Variants in SPAG16 observed in about 807,000 individuals in gnomAD.
SPAG16 encodes the protein sperm-associated antigen 16 protein.
Under a neutral mutation model 80.4 loss-of-function variants are expected in SPAG16, and 86 were observed. That is an observed-to-expected ratio of 1.07 (90% CI 0.90 to 1.28). The LOEUF is 1.28. SPAG16 is among the 50% of genes most tolerant of loss of function. SPAG16 has a pLI of 0.00. For synonymous variants in SPAG16, 294 were observed against 265.9 expected (o/e 1.11, Z -1.03); for missense variants, 870 against 765.3 (o/e 1.14, Z -1.61).
At chr2:213,473,454 T>C (rs1467118957) in intron 9 of SPAG16, among the ~76,000 whole-genome samples, 2 of 152,180 alleles carry the variant, frequency 1.3e-5, no homozygotes, top group East Asian at 3.9e-4. Flanking sequence ...TGCAAGGCAT[T>C]GGTCAAGTTA....
intron 15 of SPAG16, among the ~76,000 whole-genome samples, chr2:214,273,703 G>A (rs566429639): frequency 6.6e-6 from 1 of 151,048 alleles, no homozygotes; most frequent in Non-Finnish European, 1.5e-5. Context: ...CTGTACCCTT[G>A]TAACATAGTT....
chr2:213,357,442 G>C (rs2065721475), intron 7 of SPAG16, among the ~76,000 whole-genome samples: 1 of 152,112 alleles, frequency 6.6e-6, no homozygotes, highest in Non-Finnish European at 1.5e-5. Flanking sequence ...GGGTTCTCTT[G>C]CTTTGGGTGC....
At chr2:214,238,808 T>A (rs1318146638) in intron 15 of SPAG16, 1 of 151,980 alleles carries the variant, frequency 6.6e-6, no homozygotes, top group East Asian at 1.9e-4. Context: ...GAAACATCTT[T>A]GTTCACTACA....
chr2:214,192,445 CT>C (rs2057694693), intron 15 of SPAG16, among the ~76,000 whole-genome samples: 1 of 152,058 alleles, frequency 6.6e-6, no homozygotes, highest in East Asian at 1.9e-4. Context: ...TTTGTTTCTT[CT>C]ATGAAAGATT....
chr2:213,389,394 A>G (rs1198709735), intron 9 of SPAG16, among the ~76,000 whole-genome samples: 1 of 152,170 alleles, frequency 6.6e-6, no homozygotes, highest in African/African-American at 2.4e-5. Context: ...CACAGGCAAC[A>G]ATAGAAAAAC....
In SPAG16 at chr2:214,171,621, T is replaced by A. The variant is rs147911414; in HGVS notation, c.1720+22355T>A. Reference sequence around the variant, plus strand: ...TTTCTCAGCAACTTTTCTTTGCTTTTAAAGAACTTTGGCTCCTTGCACTAA... The same window carrying A: ...TTTCTCAGCAACTTTTCTTTGCTTTAAAAGAACTTTGGCTCCTTGCACTAA... On this transcript the variant is annotated intron_variant, in intron 15 of 15. Transcript: ENST00000331683. Among the ~76,000 whole-genome samples the A allele has an allele frequency of 4.2e-3, 640 of 152,038 alleles. 1 individual carries two copies. The highest frequency in any genetic ancestry group is 0.014 in the African/African-American group (595 of 41,540).
At chr2:213,804,019 A>G (rs2071583470) in intron 10 of SPAG16, among the ~76,000 whole-genome samples, 1 of 152,180 alleles carries the variant, frequency 6.6e-6, no homozygotes, top group South Asian at 2.1e-4. Flanking sequence ...TCCTCTTTCC[A>G]GCCTCTCCAA....
chr2:214,032,404 A>C (rs777688627), intron 13 of SPAG16, among the ~76,000 whole-genome samples: 11 of 152,234 alleles, frequency 7.2e-5, no homozygotes, highest in Non-Finnish European at 1.5e-4. Flanking sequence ...TGTTTCCATA[A>C]TTAATCATTT....
chr2:213,588,662 C>T (rs1437279839), intron 10 of SPAG16, among the ~76,000 whole-genome samples: 1 of 150,708 alleles, frequency 6.6e-6, no homozygotes, highest in Non-Finnish European at 1.5e-5. Context: ...ATCAGCCGGG[C>T]GCGGTGGCGG....
At chr2:214,071,300 T>C in intron 13 of SPAG16, among the ~76,000 whole-genome samples, 1 of 152,108 alleles carries the variant, frequency 6.6e-6, no homozygotes, top group East Asian at 1.9e-4. Flanking sequence ...GATGCAAAAC[T>C]TCTGCCCAAA....
intron 10 of SPAG16, among the ~76,000 whole-genome samples, chr2:213,835,142 C>G (rs1377377113): frequency 6.6e-6 from 1 of 152,064 alleles, no homozygotes. Flanking sequence ...ATTTTATCAA[C>G]ACACAGACAC....
chr2:214,086,331 T>C lies in SPAG16; in HGVS notation c.1528-21865T>C, dbSNP rs115273283. 9.1e-3 allele frequency among the ~76,000 whole-genome samples: 1,382 copies of C among 152,338 alleles called. 23 individuals are homozygous for C. The highest frequency in any genetic ancestry group is 0.031 in the African/African-American group (1,306 of 41,578). On this transcript the variant is annotated intron_variant, in intron 13 of 15. Transcript: ENST00000331683. ...TGTTTAGTCATGATAATTTATTATG[T>C]ACCAAGCAAGAAGTAAGCACCTTAA...
chr2:213,980,443 ATATATT>A, intron 12 of SPAG16, among the ~76,000 whole-genome samples: 1 of 102,962 alleles, frequency 9.7e-6, no homozygotes, highest in African/African-American at 4.2e-5. Context: ...ATGTGTGTAT[ATATATT>A]CTATATATAT....
intron 10 of SPAG16, among the ~76,000 whole-genome samples, chr2:213,571,990 A>T (rs1246540032): frequency 8.0e-6 from 1 of 125,642 alleles, no homozygotes; most frequent in Admixed American, 7.8e-5. Flanking sequence ...CATTCATTTC[A>T]TCTTCCATTG....
At position 214,083,761 on chromosome 2, in the gene SPAG16, T is replaced by A. The variant is rs2051538085; in HGVS notation, c.1528-24435T>A. Among the ~76,000 whole-genome samples the A allele has an allele frequency of 2.0e-5, 3 of 152,204 alleles. No individual in the cohort carries two copies. The South Asian group carries it at 6.2e-4, about 31-fold the overall frequency. The stretch of plus-strand genomic sequence containing the variant: ...TGGGTATGTTGCATGAGGCTGACGT[T>A]TGGTATATGAAACTTGTCACTCAGG... On this transcript the variant is annotated intron_variant, in intron 13 of 15. Coordinates refer to ENST00000331683, the MANE Select transcript of SPAG16 (RefSeq NM_024532.5).
chr2:214,077,765 C>A (rs375066730), intron 13 of SPAG16, among the ~76,000 whole-genome samples: 45 of 152,208 alleles, frequency 3.0e-4, no homozygotes, highest in Non-Finnish European at 5.7e-4. Context: ...AAGAAGCAAA[C>A]TTGAACTGAA....
chr2:213,624,000 TG>T (rs1559319851), intron 10 of SPAG16, among the ~76,000 whole-genome samples: 2 of 152,154 alleles, frequency 1.3e-5, no homozygotes, highest in Admixed American at 6.5e-5. Context: ...ATTAATTACA[TG>T]GGGCTTAATT....
intron 10 of SPAG16, among the ~76,000 whole-genome samples, chr2:213,541,910 G>A (rs2076460749): frequency 6.6e-6 from 1 of 152,174 alleles, no homozygotes; most frequent in Non-Finnish European, 1.5e-5. Flanking sequence ...CACGTAGTAG[G>A]CCTGGGGAGT....
chr2:213,634,599 A>G (rs2062286360), intron 10 of SPAG16, among the ~76,000 whole-genome samples: 1 of 151,694 alleles, frequency 6.6e-6, no homozygotes. Context: ...ATTACTTTTT[A>G]TTTATTTGTT....
Sources: gnomAD v4.1 joint callset for allele counts (sites outside exome capture counted in the v4.1 genomes callset) on GRCh38, gnomAD v4.1.1 for gene constraint, MANE v1.5 for transcripts, NCBI Gene and HGNC (gene_info 2026-07-23, HGNC 2026-07-21) for gene names.